The following UBR3 variants were observed in gnomAD, a reference collection of about 807,000 sequenced individuals.
The protein encoded by UBR3 is ubiquitin protein ligase E3 component n-recognin 3.
UBR3 carries 85 observed loss-of-function variants against 243.2 expected under a neutral mutation model. The ratio of observed to expected loss-of-function variants is 0.35; its 90% CI spans 0.29 to 0.42. UBR3 has a LOEUF of 0.42. Ranked by LOEUF, UBR3 falls within the 10% of genes least tolerant of loss-of-function variation. The pLI is 1.00. For missense variants in UBR3, 1,686 were observed against 2,300.8 expected, an observed-to-expected ratio of 0.73 and a Z score of 5.47; for synonymous variants, 748 against 799.8, an observed-to-expected ratio of 0.94 and a Z score of 1.09.
chr2:169,922,398 C>T (rs1011762281), intron 11 of UBR3, among the ~76,000 whole-genome samples: 1 of 151,366 alleles, frequency 6.6e-6, no homozygotes, highest in Non-Finnish European at 1.5e-5. Flanking sequence ...GTTACTAAGG[C>T]GATTATGGTA....
Position 169,877,657 on chromosome 2 carries a change from T to A in UBR3, c.988+20T>A. On this transcript the variant is annotated intron_variant, in intron 4 of 38. Transcript: ENST00000272793. ...TTCAAGGTTTGTCTAAATATTTAAT[T>A]TGAACAGTTGTAACTTTTCTGTATT... is the stretch of plus-strand genomic sequence containing the variant. 6.5e-7 allele frequency: 1 copy of A among 1,528,934 alleles called. No homozygotes were observed. The highest frequency in any genetic ancestry group is 2.5e-5 in the East Asian group (1 of 40,628). 94.7% of individuals were successfully genotyped at this position (1,528,934 alleles called of 1,614,324 possible).
chr2:170,081,479 G>T (rs951787974), intron 38 of UBR3, among the ~76,000 whole-genome samples: 4 of 151,940 alleles, frequency 2.6e-5, no homozygotes, highest in Non-Finnish European at 2.9e-5. Flanking sequence ...CAGCCTGGGT[G>T]ACAGAGTGGG....
chr2:170,056,964 G>T (rs1276496915), intron 33 of UBR3, among the ~76,000 whole-genome samples: 1 of 152,100 alleles, frequency 6.6e-6, no homozygotes, highest in East Asian at 1.9e-4. Context: ...TAAATGAAAG[G>T]TTTGGACCAT....
rs915388936 is a variant in UBR3, at chr2:169,905,178, C to T, written c.1530C>T (p.Tyr510=). The change falls in exon 9 of 39, where the codon TAC becomes TAT. Residue 510 remains tyrosine, a synonymous_variant. Transcript: ENST00000272793. ...AAGCATTACTGAAGAATAACACTTA[C>T]TGGCCTCTTGTTAGTGATTTTATTA... ...CGEALLKNNT[Y]WPLVSDFINI... The T allele has an allele frequency of 5.2e-6, 8 of 1,544,910 alleles. No homozygotes were observed. In the Admixed American group the frequency reaches 1.6e-4, roughly 31 times the overall value.
intron 5 of UBR3, among the ~76,000 whole-genome samples, chr2:169,879,145 A>C (rs1192949340): frequency 1.3e-5 from 2 of 151,092 alleles, no homozygotes; most frequent in African/African-American, 4.9e-5. Flanking sequence ...TTATTACATA[A>C]TTTATAAGAG....
intron 1 of UBR3, among the ~76,000 whole-genome samples, chr2:169,851,409 G>C (rs935632133): frequency 8.5e-5 from 13 of 152,168 alleles, no homozygotes; most frequent in African/African-American, 3.1e-4. Flanking sequence ...GATTACAGGC[G>C]TGAGCCATCG....
intron 32 of UBR3, among the ~76,000 whole-genome samples, chr2:170,049,217 AC>A (rs1263307295): frequency 6.6e-6 from 1 of 152,248 alleles, no homozygotes; most frequent in Non-Finnish European, 1.5e-5. Flanking sequence ...TATATGTATT[AC>A]GTACTTTATT....
chr2:169,898,890 A>G (rs1281861133), intron 8 of UBR3, among the ~76,000 whole-genome samples: 5 of 150,594 alleles, frequency 3.3e-5, no homozygotes, highest in Non-Finnish European at 7.4e-5. Context: ...TTTAGTAGAG[A>G]CGGGGTTTCA....
At chr2:170,079,704 C>T in intron 36 of UBR3, 110 bp from the exon 37 acceptor site, 1 of 954,136 alleles carries the variant, frequency 1.0e-6, no homozygotes, top group Non-Finnish European at 1.5e-6. Context: ...AGAAAATAAG[C>T]CACATTCTTG....
intron 27 of UBR3, 30 bp downstream of exon 27, chr2:170,001,444 T>A (rs770827570): frequency 3.0e-6 from 4 of 1,340,406 alleles, no homozygotes; most frequent in Non-Finnish European, 4.3e-6. Context: ...TTTTTAAAGG[T>A]GCATGTATCT....
At chr2:169,933,866 G>T (rs1012418674) in intron 19 of UBR3, among the ~76,000 whole-genome samples, 2 of 142,966 alleles carry the variant, frequency 1.4e-5, no homozygotes, top group Admixed American at 1.5e-4. Context: ...AAACCAAAAC[G>T]ATCTTTAAAT....
At chr2:169,852,399 A>G (rs774074955) in intron 1 of UBR3, among the ~76,000 whole-genome samples, 10 of 152,192 alleles carry the variant, frequency 6.6e-5, no homozygotes, top group Non-Finnish European at 1.3e-4. Flanking sequence ...AAGGGTTGGC[A>G]GCTTGTTTTG....
At chr2:169,857,750 A>G (rs535263396) in intron 1 of UBR3, among the ~76,000 whole-genome samples, 1 of 151,868 alleles carries the variant, frequency 6.6e-6, no homozygotes, top group East Asian at 1.9e-4. Flanking sequence ...TTTTATTTTT[A>G]TTTTAAGTTT....
At chr2:169,906,681 A>T (rs2085023110) in intron 10 of UBR3, among the ~76,000 whole-genome samples, 1 of 152,184 alleles carries the variant, frequency 6.6e-6, no homozygotes, top group Non-Finnish European at 1.5e-5. Flanking sequence ...GACACCATGC[A>T]GTTCCAGCCT....
chr2:169,975,901 TATATA>T, intron 24 of UBR3, among the ~76,000 whole-genome samples: 1 of 151,834 alleles, frequency 6.6e-6, no homozygotes, highest in African/African-American at 2.4e-5. Context: ...TATATATATA[TATATA>T]TTCTCTTTTT....
intron 1 of UBR3, among the ~76,000 whole-genome samples, chr2:169,853,324 G>A (rs1451793553): frequency 6.6e-6 from 1 of 152,210 alleles, no homozygotes; most frequent in Admixed American, 6.5e-5. Context: ...GATAAGCTAT[G>A]AGCAGGATCT....
intron 19 of UBR3, among the ~76,000 whole-genome samples, chr2:169,936,678 C>G (rs944041476): frequency 2.0e-5 from 3 of 152,168 alleles, no homozygotes; most frequent in South Asian, 4.2e-4. Context: ...CCACTCCCCC[C>G]ACCCCACAAC....
Position 169,827,495 on chromosome 2 carries a change from C to A in UBR3, c.-13C>A. The A allele has an allele frequency of 8.1e-7, 1 of 1,227,686 alleles. No homozygotes were observed. The highest frequency in any genetic ancestry group is 4.2e-5 in the South Asian group (1 of 24,080). 76.0% of individuals were successfully genotyped at this position (1,227,686 alleles called of 1,614,324 possible). On this transcript the variant is annotated 5_prime_UTR_variant, in exon 1 of 39. In the 5' UTR this introduces an upstream ATG that the reference lacks. Transcript: ENST00000272793. ...CCGCTGGCCCTGGACTCTCCAAATT[C>A]TGAGCTCTCATCATGGCGGCGGCGG...
intron 21 of UBR3, among the ~76,000 whole-genome samples, chr2:169,946,657 T>A (rs1439614765): frequency 1.3e-5 from 2 of 152,126 alleles, no homozygotes; most frequent in Non-Finnish European, 2.9e-5. Context: ...TATTATGGAA[T>A]TATTGAATTT....
Sources: allele counts gnomAD v4.1 joint callset (sites outside exome capture counted in the v4.1 genomes callset), GRCh38; gene constraint gnomAD v4.1.1; transcripts MANE v1.5; gene names NCBI Gene and HGNC (gene_info 2026-07-23, HGNC 2026-07-21).